FAM13C: variants seen among roughly 807,000 people sequenced by gnomAD.
FAM13C encodes the protein protein FAM13C.
Under a neutral mutation model 73.2 loss-of-function variants are expected in FAM13C, and 37 were observed. That is an observed-to-expected ratio of 0.51 (90% CI 0.39 to 0.67). FAM13C has a LOEUF of 0.67. FAM13C is among the 30% of genes least tolerant of loss of function. The probability of loss-of-function intolerance (pLI) is 0.00; values close to 1 mark genes in which losing one functional copy is unlikely to be tolerated. For synonymous variants in FAM13C, 246 were observed against 260.9 expected (o/e 0.94, Z 0.55); for missense variants, 589 against 715.6 (o/e 0.82, Z 2.02).
chr10:59,271,581 C>T (rs999948300), intron 6 of FAM13C, among the ~76,000 whole-genome samples: 17 of 152,162 alleles, frequency 1.1e-4, no homozygotes, highest in African/African-American at 4.1e-4. Flanking sequence ...GTGACTGACA[C>T]ACATCACCAC....
intron 5 of FAM13C, 109 bp downstream of exon 5, chr10:59,302,692 C>A: frequency 9.4e-7 from 1 of 1,061,882 alleles, no homozygotes. Flanking sequence ...CACTTAAAAG[C>A]AAAAATACTA....
In FAM13C at chr10:59,254,384, C is replaced by T; in HGVS notation, c.1296G>A (p.Lys432=). The change falls in exon 11 of 14, where the codon AAG becomes AAA. Residue 432 remains lysine, a synonymous_variant. Transcript: ENST00000618804. ...KPLYDRYRII[K]QILSTPSLIP... ...TAAGGGAAGGTGTTGACAAGATTTG[C>T]TTGATAATTCTGTATCGGTCATAAA... The T allele has an allele frequency of 6.4e-7, 1 of 1,556,744 alleles. No individual in the cohort carries two copies. The highest frequency in any genetic ancestry group is 8.7e-7 in the Non-Finnish European group (1 of 1,149,414).
intron 3 of FAM13C, among the ~76,000 whole-genome samples, chr10:59,338,598 C>T (rs1853075590): frequency 6.6e-6 from 1 of 152,216 alleles, no homozygotes; most frequent in Admixed American, 6.5e-5. Flanking sequence ...GGTTACCAGC[C>T]ATGTTGTAGC....
intron 3 of FAM13C, among the ~76,000 whole-genome samples, chr10:59,329,568 A>G (rs1176881923): frequency 6.6e-6 from 1 of 151,904 alleles, no homozygotes; most frequent in African/African-American, 2.4e-5. Context: ...CAGGTTGGCC[A>G]GTCTGGTCTG....
chr10:59,338,296 T>A (rs759876470), intron 3 of FAM13C, among the ~76,000 whole-genome samples: 1 of 152,090 alleles, frequency 6.6e-6, no homozygotes, highest in South Asian at 2.1e-4. Context: ...CCAGGACAGA[T>A]AACATGCCTG....
intron 4 of FAM13C, among the ~76,000 whole-genome samples, chr10:59,320,457 T>G (rs1311478347): frequency 6.6e-6 from 1 of 152,114 alleles, no homozygotes; most frequent in African/African-American, 2.4e-5. Flanking sequence ...TTGGCTCTGT[T>G]AAGGGAAATC....
intron 8 of FAM13C, among the ~76,000 whole-genome samples, chr10:59,264,412 C>A (rs748716332): frequency 6.6e-5 from 10 of 152,166 alleles, no homozygotes; most frequent in Non-Finnish European, 1.0e-4. Context: ...GCTATGGGCA[C>A]TATTTCTAAA....
At chr10:59,353,748 G>A (rs1371312531) in intron 2 of FAM13C, among the ~76,000 whole-genome samples, 1 of 152,138 alleles carries the variant, frequency 6.6e-6, no homozygotes, top group Non-Finnish European at 1.5e-5. Flanking sequence ...AGTTGGACAA[G>A]ATATAAAAAT....
intron 4 of FAM13C, among the ~76,000 whole-genome samples, chr10:59,304,899 GAA>G (rs1848084070): frequency 6.6e-6 from 1 of 150,644 alleles, no homozygotes; most frequent in African/African-American, 2.4e-5. Flanking sequence ...ACAGCTTGTT[GAA>G]AAGAGTCTGG....
At chr10:59,303,331 A>C (rs998731895) in intron 4 of FAM13C, among the ~76,000 whole-genome samples, 1 of 152,098 alleles carries the variant, frequency 6.6e-6, no homozygotes, top group Admixed American at 6.5e-5. Flanking sequence ...AGTCCTGTAC[A>C]TTTTCTTCTT....
At chr10:59,259,698 A>AT (rs754526105) in intron 10 of FAM13C, among the ~76,000 whole-genome samples, 11 of 152,214 alleles carry the variant, frequency 7.2e-5, no homozygotes, top group Non-Finnish European at 8.8e-5. Flanking sequence ...TCTGACACTT[A>AT]TTAAACAAAA....
At chr10:59,316,770 T>G (rs1012249899) in intron 4 of FAM13C, among the ~76,000 whole-genome samples, 1 of 152,220 alleles carries the variant, frequency 6.6e-6, no homozygotes, top group African/African-American at 2.4e-5. Flanking sequence ...TGTCCGTTGT[T>G]AACTGAAATG....
intron 10 of FAM13C, 90 bp downstream of exon 10, chr10:59,262,344 T>C (rs1182565076): frequency 1.7e-6 from 2 of 1,199,076 alleles, no homozygotes; most frequent in African/African-American, 1.5e-5. Context: ...AATATTGATG[T>C]AATGGCAAAG....
chr10:59,280,354 C>T (rs868419201), intron 6 of FAM13C, among the ~76,000 whole-genome samples: 50 of 152,192 alleles, frequency 3.3e-4, no homozygotes, highest in African/African-American at 1.1e-3. Context: ...CTGCCTATAT[C>T]CCCATCCCAC....
At chr10:59,307,899 A>G (rs939994136) in intron 4 of FAM13C, among the ~76,000 whole-genome samples, 2 of 152,194 alleles carry the variant, frequency 1.3e-5, no homozygotes, top group Non-Finnish European at 2.9e-5. Flanking sequence ...GGAAAAATAA[A>G]TGAAGCTTTT....
intron 4 of FAM13C, among the ~76,000 whole-genome samples, chr10:59,316,085 G>A (rs575052706): frequency 2.6e-5 from 4 of 151,914 alleles, no homozygotes; most frequent in African/African-American, 9.7e-5. Context: ...GTGTGCCACC[G>A]TGCCCAGCTA....
chr10:59,344,711 T>C (rs1323765922), intron 3 of FAM13C, among the ~76,000 whole-genome samples: 1 of 152,178 alleles, frequency 6.6e-6, no homozygotes, highest in African/African-American at 2.4e-5. Context: ...GACACAGAGC[T>C]AGTAAGTGAT....
chr10:59,324,205 T>A (rs965876368), intron 3 of FAM13C, 99 bp from the exon 4 acceptor site: 1 of 863,786 alleles, frequency 1.2e-6, no homozygotes, highest in Admixed American at 2.3e-5. Context: ...GAAGCAGCAA[T>A]GCATAACACA....
chr10:59,317,748 T>C (rs1288465966), intron 4 of FAM13C, among the ~76,000 whole-genome samples: 1 of 152,106 alleles, frequency 6.6e-6, no homozygotes. Context: ...TTTTTTTTCT[T>C]TTATTATTAT....
Sources: gnomAD v4.1 joint callset for allele counts (sites outside exome capture counted in the v4.1 genomes callset) on GRCh38, gnomAD v4.1.1 for gene constraint, MANE v1.5 for transcripts, NCBI Gene and HGNC (gene_info 2026-07-23, HGNC 2026-07-21) for gene names.